Variants in SHANK2 observed in about 807,000 individuals in gnomAD.
SHANK2 encodes the protein SH3 and multiple ankyrin repeat domains protein 2.
SHANK2 carries 43 observed loss-of-function variants against 133.7 expected under a neutral mutation model. That is an observed-to-expected ratio of 0.32 (90% CI 0.25 to 0.41). The LOEUF is 0.41. Ranked by LOEUF, SHANK2 falls within the 10% of genes least tolerant of loss-of-function variation. The pLI, the probability that SHANK2 is intolerant of heterozygous loss-of-function variation, is 1.00. For missense variants in SHANK2, 1,994 were observed against 2,235.8 expected, an observed-to-expected ratio of 0.89 and a Z score of 2.18; for synonymous variants, 1,017 against 952.8, an observed-to-expected ratio of 1.07 and a Z score of -1.24.
chr11:70,767,610 G>A, intron 14 of SHANK2, among the ~76,000 whole-genome samples: 1 of 152,130 alleles, frequency 6.6e-6, no homozygotes, highest in East Asian at 1.9e-4. Flanking sequence ...AGTCACAAAG[G>A]CCATGCTGGA....
chr11:70,927,703 T>TA (rs1483731640), intron 10 of SHANK2, among the ~76,000 whole-genome samples: 6 of 151,968 alleles, frequency 3.9e-5, no homozygotes, highest in Admixed American at 1.3e-4. Flanking sequence ...GTCCTCAGAG[T>TA]AAACTGTTAT....
intron 2 of SHANK2, among the ~76,000 whole-genome samples, chr11:71,149,260 C>T (rs1158421092): frequency 6.6e-6 from 1 of 152,192 alleles, no homozygotes; most frequent in Non-Finnish European, 1.5e-5. Flanking sequence ...TGCCTCAAAG[C>T]AAGACGTAAA....
chr11:70,794,804 C>A (rs967660483), intron 14 of SHANK2, among the ~76,000 whole-genome samples: 11 of 152,254 alleles, frequency 7.2e-5, no homozygotes, highest in African/African-American at 2.6e-4. Context: ...GATTCACCCG[C>A]CTTGGCCTCC....
intron 10 of SHANK2, among the ~76,000 whole-genome samples, chr11:70,904,642 G>A (rs1950073672): frequency 6.6e-6 from 1 of 151,890 alleles, no homozygotes; most frequent in Non-Finnish European, 1.5e-5. Context: ...TGAGTAGCTG[G>A]GATTACAGGT....
At chr11:70,577,065 T>G (rs1184656344) in intron 17 of SHANK2, among the ~76,000 whole-genome samples, 1 of 152,178 alleles carries the variant, frequency 6.6e-6, no homozygotes, top group East Asian at 1.9e-4. Flanking sequence ...TCCCTGGGGA[T>G]GAGCTCCCCC....
At chr11:70,883,019 T>C (rs1363037895) in intron 11 of SHANK2, among the ~76,000 whole-genome samples, 1 of 152,128 alleles carries the variant, frequency 6.6e-6, no homozygotes. Context: ...AGCAGTGTTA[T>C]GGGCAGCCTT....
intron 10 of SHANK2, chr11:70,948,488 C>T (rs969016358): frequency 8.1e-5 from 34 of 420,274 alleles, no homozygotes; most frequent in African/African-American, 4.1e-4. Context: ...CAGGTTTCTA[C>T]GCCCTAATCT....
intron 17 of SHANK2, among the ~76,000 whole-genome samples, chr11:70,503,336 C>A (rs2059088301): frequency 6.6e-6 from 1 of 152,190 alleles, no homozygotes; most frequent in African/African-American, 2.4e-5. Context: ...CAGGGCTGGG[C>A]TGCAGTGCCA....
At chr11:70,603,198 CAT>C (rs1232009984) in intron 17 of SHANK2, 8 of 152,366 alleles carry the variant, frequency 5.3e-5, no homozygotes, top group Admixed American at 5.2e-4. Context: ...GCTTCCATGA[CAT>C]GGGGAGAAAC....
At chr11:70,529,178 G>C (rs1004708793) in intron 17 of SHANK2, among the ~76,000 whole-genome samples, 1 of 152,154 alleles carries the variant, frequency 6.6e-6, no homozygotes, top group African/African-American at 2.4e-5. Flanking sequence ...ACCAGCTCAG[G>C]ACCCATGTCA....
rs868984277 is a variant in SHANK2 at position 70,896,168 on chromosome 11, A to G, written c.1174+333T>C. On this transcript the variant is annotated intron_variant, in intron 11 of 25. Transcript: ENST00000601538. ...AGCCAACCCTTAGCATAAATTAAAC[A>G]CTTCCTGTTCCTCTCCCCATTTTAC... Among the ~76,000 whole-genome samples the G allele has an allele frequency of 5.3e-5, 8 of 152,200 alleles. No homozygotes were observed. The South Asian group carries it at 1.7e-3, about 32-fold the overall frequency.
At chr11:71,061,280 T>C (rs1008295802) in intron 9 of SHANK2, among the ~76,000 whole-genome samples, 2 of 152,260 alleles carry the variant, frequency 1.3e-5, no homozygotes, top group African/African-American at 2.4e-5. Context: ...ATTTACTCTC[T>C]GGGTCTTTAC....
chr11:70,948,212 C>G, intron 10 of SHANK2: 4 of 453,618 alleles, frequency 8.8e-6, no homozygotes, highest in Admixed American at 2.4e-5. Context: ...CAGCTCCGTA[C>G]CATTCCACCC....
At chr11:71,119,596 T>A (rs1429266363) in intron 3 of SHANK2, among the ~76,000 whole-genome samples, 3 of 113,522 alleles carry the variant, frequency 2.6e-5, no homozygotes, top group East Asian at 5.1e-4. Flanking sequence ...AAAAAAAAAA[T>A]TCTCTAGCCC....
chr11:70,551,283 G>A (rs1482261851), intron 17 of SHANK2, among the ~76,000 whole-genome samples: 23 of 152,126 alleles, frequency 1.5e-4, no homozygotes, highest in African/African-American at 5.3e-4. Context: ...GACGGAGGCT[G>A]GAGCCTCTGC....
intron 11 of SHANK2, among the ~76,000 whole-genome samples, chr11:70,890,479 A>G (rs1565386747): frequency 1.2e-4 from 4 of 34,706 alleles, no homozygotes; most frequent in Admixed American, 5.3e-4. Flanking sequence ...TCTCTACTAA[A>G]AAAAAAAACA....
chr11:70,659,665 G>A (rs2134261390), intron 17 of SHANK2, among the ~76,000 whole-genome samples, 163 bp downstream of exon 17: 1 of 152,274 alleles, frequency 6.6e-6, no homozygotes, highest in East Asian at 1.9e-4. Context: ...AGGTCCACAG[G>A]CAGTGGCACC....
At chr11:70,805,191 T>G (rs1263322591) in intron 13 of SHANK2, among the ~76,000 whole-genome samples, 1 of 152,070 alleles carries the variant, frequency 6.6e-6, no homozygotes, top group East Asian at 1.9e-4. Flanking sequence ...TCCTTGGGCA[T>G]CAGTGAGCTC....
rs1333563804 is a variant in SHANK2 at position 70,569,444 on chromosome 11, T to C, written c.2062-66513A>G. 6.6e-6 allele frequency among the ~76,000 whole-genome samples: 1 copy of C among 152,126 alleles called. No individual in the cohort carries two copies. Among genetic ancestry groups the C allele is most frequent in the Non-Finnish European group, 1.5e-5 (1 of 68,004 alleles). On this transcript the variant is annotated intron_variant, in intron 17 of 25. Coordinates refer to ENST00000601538, the MANE Select transcript of SHANK2 (RefSeq NM_012309.5). The surrounding 1 kb of genome is among the most constrained non-coding windows in gnomAD (Gnocchi z 5.1). ...CTGAGGGAGAAGGCGGCTCGTAGGC[T>C]GCTGTGCTGGGCAGAGGGTGGATGG...
Sources: allele counts gnomAD v4.1 joint callset (sites outside exome capture counted in the v4.1 genomes callset), GRCh38; gene constraint gnomAD v4.1.1; non-coding constraint Gnocchi (gnomAD v3.1); transcripts MANE v1.5; gene names NCBI Gene and HGNC (gene_info 2026-07-23, HGNC 2026-07-21).